Variants in PTPRD observed in about 807,000 individuals in gnomAD.
PTPRD encodes protein tyrosine phosphatase receptor type D, also known as receptor-type tyrosine-protein phosphatase delta.
In PTPRD, 34 loss-of-function variants were observed where a neutral mutation model predicts 214.5. The ratio of observed to expected loss-of-function variants is 0.16; its 90% CI spans 0.12 to 0.21. The LOEUF is 0.21. Among genes scored for constraint, PTPRD ranks in the 10% least tolerant of loss-of-function variants. The pLI, the probability that PTPRD is intolerant of heterozygous loss-of-function variation, is 1.00. For missense variants in PTPRD, 2,545 were observed against 2,398.7 expected (o/e 1.06, Z -1.27); for synonymous variants, 1,128 against 845.7 (o/e 1.33, Z -5.79).
intron 7 of PTPRD, among the ~76,000 whole-genome samples, chr9:9,651,168 T>C (rs1406587260): frequency 2.0e-5 from 3 of 152,222 alleles, no homozygotes; most frequent in East Asian, 1.9e-4. Context: ...ATACATTTTA[T>C]CATTTCTATG....
At chr9:10,206,677 T>A (rs921052732) in intron 3 of PTPRD, among the ~76,000 whole-genome samples, 2 of 152,176 alleles carry the variant, frequency 1.3e-5, no homozygotes, top group African/African-American at 4.8e-5. Flanking sequence ...ATAACCTCGG[T>A]TTTAAATATA....
At chr9:10,164,084 T>C (rs936292295) in intron 3 of PTPRD, among the ~76,000 whole-genome samples, 5 of 151,398 alleles carry the variant, frequency 3.3e-5, no homozygotes, top group African/African-American at 1.2e-4. Context: ...AAGTGGGAAA[T>C]GCAATTTAAA....
chr9:9,040,474 T>G (rs2099636182), intron 10 of PTPRD, among the ~76,000 whole-genome samples: 1 of 152,196 alleles, frequency 6.6e-6, no homozygotes, highest in East Asian at 1.9e-4. Flanking sequence ...ACATTTATAT[T>G]GGAGTGTAGA....
intron 11 of PTPRD, among the ~76,000 whole-genome samples, chr9:8,983,431 C>T (rs555317505): frequency 6.6e-6 from 1 of 152,100 alleles, no homozygotes; most frequent in African/African-American, 2.4e-5. Context: ...AGTCTCAACC[C>T]GAGTTAGTGT....
Position 9,093,258 on chromosome 9 carries a change from C to G in PTPRD, c.-142-74523G>C, listed in dbSNP as rs186763637. On this transcript the variant is annotated intron_variant, in intron 10 of 45. Coordinates refer to ENST00000381196, the MANE Select transcript of PTPRD (RefSeq NM_002839.4). ...GTTAGAGGCTTCAAAATTCTTTGCT[C>G]AGCAATTGATAAAACAATTAAACTG... Among the ~76,000 whole-genome samples the G allele has an allele frequency of 3.3e-3, 504 of 152,092 alleles. 2 individuals are homozygous for G. Among genetic ancestry groups the G allele is most frequent in the Non-Finnish European group, 4.4e-3 (301 of 67,916 alleles).
intron 2 of PTPRD, among the ~76,000 whole-genome samples, chr9:10,486,157 C>G (rs1768208352): frequency 6.6e-6 from 1 of 151,904 alleles, no homozygotes; most frequent in Admixed American, 6.6e-5. Flanking sequence ...ATGGTAGTTT[C>G]TTTTGCTGTG....
rs201412075 is a variant in PTPRD at position 8,492,931 on chromosome 9, C to T, written c.2398G>A (p.Val800Ile). Reference sequence around the variant, plus strand: ...TCTCCTTTGGTTGTGTAGGCTGTGACGGTGAGGGAGTAGGAAGTTTCAGGC... The same window carrying T: ...TCTCCTTTGGTTGTGTAGGCTGTGATGGTGAGGGAGTAGGAAGTTTCAGGC... Reference protein sequence around the residue: ...LQPETSYSLTVTAYTTKGDGA... With the variant: ...LQPETSYSLTITAYTTKGDGA... Residue 800 changes from valine (V) to isoleucine (I), a missense_variant, in exon 27 of 46, where the codon GTC becomes ATC. Physicochemically the swap from Val to Ile is conservative, Grantham distance 29. Coordinates refer to ENST00000381196, the MANE Select transcript of PTPRD (RefSeq NM_002839.4). 2.7e-5 allele frequency: 44 copies of T among 1,613,704 alleles called. No homozygotes were observed. Among genetic ancestry groups the T allele is most frequent in the Admixed American group, 1.7e-4 (10 of 60,004 alleles).
At chr9:8,588,163 T>C (rs1340218137) in intron 14 of PTPRD, among the ~76,000 whole-genome samples, 2 of 152,260 alleles carry the variant, frequency 1.3e-5, no homozygotes, top group Admixed American at 6.5e-5. Context: ...CTAATCTGCA[T>C]TCTGAAATTT....
intron 10 of PTPRD, among the ~76,000 whole-genome samples, chr9:9,097,461 T>C (rs1009658495): frequency 2.6e-5 from 4 of 151,494 alleles, no homozygotes; most frequent in African/African-American, 9.7e-5. Flanking sequence ...CAGGCTGGAA[T>C]GCAGTGGCGC....
At position 10,568,792 on chromosome 9, in the gene PTPRD, A is replaced by C. The variant is rs562064512; in HGVS notation, c.-600+43606T>G. On this transcript the variant is annotated intron_variant, in intron 2 of 45. Transcript: ENST00000381196. Reference sequence around the variant, plus strand: ...TAATTCAAGACGGATTAAAGACTTAAACGTTAGACCTAAAACCATAAAATC... The same window carrying C: ...TAATTCAAGACGGATTAAAGACTTACACGTTAGACCTAAAACCATAAAATC... Among the ~76,000 whole-genome samples the C allele has an allele frequency of 4.2e-3, 639 of 152,302 alleles. 5 individuals are homozygous for C. The highest frequency in any genetic ancestry group is 0.015 in the African/African-American group (607 of 41,570).
intron 12 of PTPRD, among the ~76,000 whole-genome samples, chr9:8,656,135 G>A (rs529917302): frequency 1.3e-5 from 2 of 152,154 alleles, no homozygotes; most frequent in African/African-American, 2.4e-5. Flanking sequence ...CCCCACAACT[G>A]AATCACCTGT....
chr9:10,280,898 A>T (rs894963578), intron 3 of PTPRD, among the ~76,000 whole-genome samples: 6 of 152,130 alleles, frequency 3.9e-5, no homozygotes, highest in African/African-American at 1.4e-4. Flanking sequence ...TACAAGTGTG[A>T]GCCACATGCA....
At chr9:9,566,876 C>A in intron 8 of PTPRD, among the ~76,000 whole-genome samples, 1 of 152,008 alleles carries the variant, frequency 6.6e-6, no homozygotes, top group Non-Finnish European at 1.5e-5. Flanking sequence ...TGTACACTGA[C>A]ACTAACACTA....
intron 2 of PTPRD, among the ~76,000 whole-genome samples, chr9:10,476,871 A>T (rs1012086977): frequency 2.0e-5 from 3 of 152,186 alleles, no homozygotes; most frequent in Non-Finnish European, 4.4e-5. Flanking sequence ...CATACCTGAC[A>T]ACAAGCAATA....
intron 9 of PTPRD, among the ~76,000 whole-genome samples, chr9:9,274,625 C>A (rs1944254372): frequency 6.6e-6 from 1 of 151,162 alleles, no homozygotes. Context: ...TCTTTTTCCA[C>A]CCTCTGGCCC....
chr9:9,720,026 A>T (rs917578009), intron 7 of PTPRD, among the ~76,000 whole-genome samples: 1 of 152,094 alleles, frequency 6.6e-6, no homozygotes, highest in Non-Finnish European at 1.5e-5. Context: ...CAGGCATGGG[A>T]TCTGTGTTGG....
intron 9 of PTPRD, among the ~76,000 whole-genome samples, chr9:9,338,190 T>G (rs1380471257): frequency 2.0e-5 from 3 of 152,206 alleles, no homozygotes; most frequent in African/African-American, 7.2e-5. Flanking sequence ...TCAGTGCTAG[T>G]GCAAAGAATT....
intron 3 of PTPRD, among the ~76,000 whole-genome samples, chr9:10,285,216 C>A (rs566776398): frequency 1.3e-5 from 2 of 152,038 alleles, no homozygotes; most frequent in Non-Finnish European, 2.9e-5. Context: ...CACTTGCATA[C>A]GATACTGTAA....
intron 10 of PTPRD, among the ~76,000 whole-genome samples, chr9:9,085,003 C>A (rs67207423): frequency 6.6e-6 from 1 of 152,132 alleles, no homozygotes; most frequent in East Asian, 1.9e-4. Context: ...TCCTTTAAAA[C>A]TTCTATCTTT....
Sources: gnomAD v4.1 joint callset for allele counts (sites outside exome capture counted in the v4.1 genomes callset) on GRCh38, gnomAD v4.1.1 for gene constraint, MANE v1.5 for transcripts, NCBI Gene and HGNC (gene_info 2026-07-23, HGNC 2026-07-21) for gene names.